Variants in KATNIP observed in about 807,000 individuals in gnomAD.
KATNIP encodes the protein katanin interacting protein.
A neutral mutation model predicts 174.0 loss-of-function variants in KATNIP; 126 were observed. The observed-to-expected ratio is 0.72, with a 90% CI of 0.63 to 0.84. The LOEUF is 0.84. Among genes scored for constraint, KATNIP ranks in the 40% least tolerant of loss-of-function variants. The pLI, the probability that KATNIP is intolerant of heterozygous loss-of-function variation, is 0.00. For missense variants in KATNIP, 1,958 were observed against 2,109.7 expected (o/e 0.93, Z 1.41); for synonymous variants, 810 against 835.7 (o/e 0.97, Z 0.53).
chr16:27,585,571 T>C (rs1333250132), intron 2 of KATNIP, among the ~76,000 whole-genome samples: 1 of 152,242 alleles, frequency 6.6e-6, no homozygotes, highest in East Asian at 1.9e-4. Context: ...ACACACACAA[T>C]GGAGTCCTGT....
At chr16:27,714,370 G>C (rs540464630) in intron 13 of KATNIP, among the ~76,000 whole-genome samples, 3 of 151,784 alleles carry the variant, frequency 2.0e-5, no homozygotes, top group Non-Finnish European at 4.4e-5. Flanking sequence ...ATATTTTTTT[G>C]TTTTTTTAAA....
At chr16:27,671,686 G>A (rs553772408) in intron 6 of KATNIP, among the ~76,000 whole-genome samples, 2 of 152,298 alleles carry the variant, frequency 1.3e-5, no homozygotes, top group East Asian at 3.9e-4. Context: ...CTGCAGCAAA[G>A]CTGGTAGCCC....
chr16:27,776,381 G>A lies in KATNIP; in HGVS notation c.4450-547G>A, dbSNP rs1004321770. Among the ~76,000 whole-genome samples the A allele has an allele frequency of 4.6e-5, 7 of 152,092 alleles. No individual in the cohort carries two copies. The highest frequency in any genetic ancestry group is 7.4e-5 in the Non-Finnish European group (5 of 68,014). On this transcript the variant is annotated intron_variant, in intron 24 of 27. Coordinates refer to ENST00000261588, the MANE Select transcript of KATNIP (RefSeq NM_015202.5). The surrounding 1 kb of genome is among the most constrained non-coding windows in gnomAD (Gnocchi z 4.7). ...AGGGAGGGCTGTTTGAGGCTGCTCC[G>A]TCCCACTTTTCCCACTGGATTCTGC...
At chr16:27,666,792 C>T (rs1328814260) in intron 6 of KATNIP, among the ~76,000 whole-genome samples, 3 of 152,078 alleles carry the variant, frequency 2.0e-5, no homozygotes, top group South Asian at 4.1e-4. Context: ...TTTGGGATGC[C>T]GAGGTAGGAG....
At chr16:27,592,271 T>G (rs1213391880) in intron 2 of KATNIP, among the ~76,000 whole-genome samples, 1 of 4,668 alleles carries the variant, frequency 2.1e-4, no homozygotes, top group South Asian at 9.8e-3. Flanking sequence ...CATATATTAC[T>G]TTTTTTTTTT....
At chr16:27,701,113 T>C (rs960599962) in intron 10 of KATNIP, among the ~76,000 whole-genome samples, 1 of 152,220 alleles carries the variant, frequency 6.6e-6, no homozygotes, top group Non-Finnish European at 1.5e-5. Flanking sequence ...GCTTACTTTG[T>C]ACAAAGCAGA....
intron 3 of KATNIP, among the ~76,000 whole-genome samples, chr16:27,620,784 A>G (rs979418587): frequency 6.6e-6 from 1 of 152,240 alleles, no homozygotes; most frequent in Non-Finnish European, 1.5e-5. Flanking sequence ...AGATCTGCCT[A>G]GAACACAGCT....
At chr16:27,705,524 C>T (rs62029142) in intron 12 of KATNIP, among the ~76,000 whole-genome samples, 1 of 152,134 alleles carries the variant, frequency 6.6e-6, no homozygotes, top group African/African-American at 2.4e-5. Context: ...CCATGCCCCA[C>T]AGGCCACTGT....
intron 5 of KATNIP, among the ~76,000 whole-genome samples, chr16:27,635,160 A>G (rs1273193238): frequency 1.3e-5 from 2 of 152,242 alleles, no homozygotes; most frequent in East Asian, 1.9e-4. Flanking sequence ...TAATGATTCT[A>G]CAGTCAGAAA....
chr16:27,622,550 G>C (rs1247708168), intron 3 of KATNIP, among the ~76,000 whole-genome samples: 1 of 152,200 alleles, frequency 6.6e-6, no homozygotes, highest in Non-Finnish European at 1.5e-5. Flanking sequence ...ACAGCAGAGA[G>C]GGGCTGTAAT....
At chr16:27,672,809 T>A (rs547535692) in intron 6 of KATNIP, among the ~76,000 whole-genome samples, 7 of 152,180 alleles carry the variant, frequency 4.6e-5, no homozygotes, top group African/African-American at 1.4e-4. Context: ...GGCTGCAACA[T>A]AGTGACGGTC....
rs774738072 is a variant in KATNIP at position 27,740,433 on chromosome 16, C to T, written c.2136C>T (p.Pro712=). Residue 712 remains proline, a synonymous_variant, in exon 15 of 28, where the codon CCC becomes CCT. Coordinates refer to ENST00000261588, the MANE Select transcript of KATNIP (RefSeq NM_015202.5). ...SAVPTSMGDM[P]SAPATSPPVK... ...TCCCCACTTCGATGGGTGACATGCC[C>T]AGTGCTCCTGCCACTTCCCCACCTG... is the stretch of plus-strand genomic sequence containing the variant. The T allele has an allele frequency of 1.2e-6, 2 of 1,613,982 alleles. No homozygotes were observed. The highest frequency in any genetic ancestry group is 8.5e-7 in the Non-Finnish European group (1 of 1,180,028).
intron 6 of KATNIP, among the ~76,000 whole-genome samples, chr16:27,666,387 A>AT (rs1204954983): frequency 6.8e-6 from 1 of 146,762 alleles, no homozygotes; most frequent in East Asian, 2.2e-4. Flanking sequence ...ATGTAGGGGA[A>AT]TGAGTTTTTG....
intron 18 of KATNIP, among the ~76,000 whole-genome samples, chr16:27,755,960 C>A (rs962963635): frequency 6.6e-5 from 10 of 152,190 alleles, no homozygotes; most frequent in African/African-American, 2.4e-4. Context: ...AGGAGACTCT[C>A]TTCAGCCAAG....
chr16:27,755,294 G>A (rs1018299546), intron 18 of KATNIP: 1 of 152,264 alleles, frequency 6.6e-6, no homozygotes, highest in African/African-American at 2.4e-5. Flanking sequence ...AGGCACCTGT[G>A]CAAGCCACAC....
chr16:27,574,384 G>T, intron 2 of KATNIP: 1 of 204,400 alleles, frequency 4.9e-6, no homozygotes. Flanking sequence ...GGGTGCCTCA[G>T]TTCTCCTCCA....
chr16:27,588,166 A>G (rs957431127), intron 2 of KATNIP, among the ~76,000 whole-genome samples: 1 of 151,898 alleles, frequency 6.6e-6, no homozygotes, highest in African/African-American at 2.4e-5. Context: ...TGCTGGGATT[A>G]CCGCTGGGAG....
intron 5 of KATNIP, among the ~76,000 whole-genome samples, chr16:27,641,116 C>T (rs942755772): frequency 1.1e-4 from 16 of 149,100 alleles, no homozygotes; most frequent in East Asian, 2.0e-4. Context: ...CCAGCCTGGG[C>T]GACAGAGTGA....
At position 27,740,171 on chromosome 16, in the gene KATNIP, A is replaced by G; in HGVS notation, c.1874A>G (p.Lys625Arg). The change falls in exon 15 of 28, where the codon AAG (lysine) becomes AGG (arginine). Residue 625 changes from lysine to arginine, a missense_variant. By Grantham distance (26) the Lys-to-Arg change is conservative. Transcript: ENST00000261588. The part of the protein sequence containing the change: ...HSILVDQKNE[K>R]SEQLEEAMNA... ...ATCCTGGTTGACCAGAAGAACGAGA[A>G]GAGCGAGCAACTAGAGGAGGCCATG... The G allele has an allele frequency of 6.2e-7, 1 of 1,614,200 alleles. No individual in the cohort carries two copies. Among genetic ancestry groups the G allele is most frequent in the Non-Finnish European group, 8.5e-7 (1 of 1,180,018 alleles).
Sources: allele counts gnomAD v4.1 joint callset (sites outside exome capture counted in the v4.1 genomes callset), GRCh38; gene constraint gnomAD v4.1.1; non-coding constraint Gnocchi (gnomAD v3.1); transcripts MANE v1.5; gene names NCBI Gene and HGNC (gene_info 2026-07-23, HGNC 2026-07-21).